IGSF10: variants seen among roughly 807,000 people sequenced by gnomAD.
The protein encoded by IGSF10 is immunoglobulin superfamily member 10.
A neutral mutation model predicts 128.2 loss-of-function variants in IGSF10; 126 were observed. That is an observed-to-expected ratio of 0.98 (90% CI 0.85 to 1.14). The LOEUF is 1.14. IGSF10 is among the 50% of genes most tolerant of loss of function. The probability of loss-of-function intolerance (pLI) is 0.00; values close to 1 mark genes in which losing one functional copy is unlikely to be tolerated. For synonymous variants in IGSF10, 1,185 were observed against 1,146.2 expected, an observed-to-expected ratio of 1.03 and a Z score of -0.68; for missense variants, 3,295 against 3,149.8, an observed-to-expected ratio of 1.05 and a Z score of -1.10.
intron 4 of IGSF10, 107 bp from the exon 5 acceptor site, chr3:151,453,881 T>C: frequency 1.5e-6 from 1 of 650,732 alleles, no homozygotes; most frequent in Non-Finnish European, 2.6e-6. Context: ...CAGTGCAATT[T>C]ATATACCTTC....
the IGSF10 span, among the ~76,000 whole-genome samples, chr3:151,510,419 A>G: frequency 6.6e-6 from 1 of 152,214 alleles, no homozygotes; most frequent in Non-Finnish European, 1.5e-5. Context: ...GACTGGTAGA[A>G]GGAAAACTAA....
At chr3:151,496,373 A>G in the IGSF10 span, among the ~76,000 whole-genome samples, 153 of 119,068 alleles carry the variant, frequency 1.3e-3, 1 homozygote, top group South Asian at 1.8e-3. Flanking sequence ...AACAGTCCGC[A>G]GTGTGTGATG....
the IGSF10 span, among the ~76,000 whole-genome samples, chr3:151,536,179 G>GA: frequency 1.6e-4 from 25 of 152,166 alleles, no homozygotes; most frequent in Non-Finnish European, 2.5e-4. Flanking sequence ...AGGAAGCAGG[G>GA]AAAAAATCTC....
the IGSF10 span, among the ~76,000 whole-genome samples, chr3:151,509,345 C>A: frequency 2.0e-5 from 3 of 152,132 alleles, no homozygotes; most frequent in Admixed American, 2.0e-4. Context: ...CTATGATAAC[C>A]CATCAGTTAT....
the IGSF10 span, among the ~76,000 whole-genome samples, chr3:151,467,657 G>A: frequency 6.6e-6 from 1 of 152,036 alleles, no homozygotes; most frequent in East Asian, 1.9e-4. Context: ...GGCCGAGGTG[G>A]GTGGATCACG....
At chr3:151,493,357 A>G in the IGSF10 span, among the ~76,000 whole-genome samples, 1 of 152,210 alleles carries the variant, frequency 6.6e-6, no homozygotes, top group Non-Finnish European at 1.5e-5. Context: ...TTTACTATCT[A>G]TAGTCATGTG....
chr3:151,538,760 G>A, the IGSF10 span, among the ~76,000 whole-genome samples: 5 of 152,142 alleles, frequency 3.3e-5, no homozygotes, highest in Non-Finnish European at 7.4e-5. Context: ...GCATGTAGTA[G>A]TCACAGAACA....
At chr3:151,508,294 G>A in the IGSF10 span, among the ~76,000 whole-genome samples, 2 of 152,076 alleles carry the variant, frequency 1.3e-5, no homozygotes, top group Admixed American at 6.6e-5. Flanking sequence ...AAAGGTTTAT[G>A]GAAAGTTTTT....
At chr3:151,466,838 T>C in the IGSF10 span, among the ~76,000 whole-genome samples, 1 of 152,118 alleles carries the variant, frequency 6.6e-6, no homozygotes, top group African/African-American at 2.4e-5. Flanking sequence ...CTCGGCCTCC[T>C]AAAGGGCTAG....
At chr3:151,450,242 G>A (rs1354150447) in intron 5 of IGSF10, among the ~76,000 whole-genome samples, 1 of 152,220 alleles carries the variant, frequency 6.6e-6, no homozygotes, top group Non-Finnish European at 1.5e-5. Context: ...GGAATACTTG[G>A]TAAGAGGTAT....
chr3:151,465,737 C>T (rs1030152575), upstream of IGSF10, among the ~76,000 whole-genome samples: 2 of 147,796 alleles, frequency 1.4e-5, no homozygotes. Context: ...CCAGAGGATA[C>T]CAATGGTGCT....
In IGSF10 at chr3:151,442,964, AC is replaced by A; in HGVS notation, c.5963+19del. On this transcript the variant is annotated intron_variant, in intron 7 of 7. Coordinates refer to ENST00000282466, the MANE Select transcript of IGSF10 (RefSeq NM_178822.5). ...TAAATACATAAAGCAGATAATTCCA[AC>A]CCAAAGGTATAGACTTACCTATGCT... 6.3e-7 allele frequency: 1 copy of A among 1,593,222 alleles called. No individual in the cohort carries two copies. The highest frequency in any genetic ancestry group is 8.6e-7 in the Non-Finnish European group (1 of 1,168,934).
At chr3:151,612,361 G>T in the IGSF10 span, among the ~76,000 whole-genome samples, 1 of 152,180 alleles carries the variant, frequency 6.6e-6, no homozygotes, top group Admixed American at 6.5e-5. Flanking sequence ...CATAAAGGAC[G>T]TCTCATTGTG....
the IGSF10 span, among the ~76,000 whole-genome samples, chr3:151,496,324 A>G: frequency 6.7e-6 from 1 of 148,578 alleles, no homozygotes; most frequent in Non-Finnish European, 1.5e-5. Flanking sequence ...CATTAGGTTT[A>G]TCTCCTAATG....
chr3:151,449,596 T>TTAATAAAA (rs1721414531), intron 5 of IGSF10, among the ~76,000 whole-genome samples: 1 of 152,242 alleles, frequency 6.6e-6, no homozygotes. Flanking sequence ...CAAAATGATA[T>TTAATAAAA]GCTCATGTTT....
the IGSF10 span, among the ~76,000 whole-genome samples, chr3:151,468,603 G>A: frequency 2.0e-4 from 30 of 152,290 alleles, no homozygotes; most frequent in East Asian, 3.9e-3. Context: ...TGGAGAAACA[G>A]GTTAAAATAA....
At chr3:151,537,225 T>C in the IGSF10 span, among the ~76,000 whole-genome samples, 6 of 152,196 alleles carry the variant, frequency 3.9e-5, no homozygotes, top group African/African-American at 1.4e-4. Flanking sequence ...AGAGCAGGAG[T>C]GTAGGATTTA....
rs1281037780 is a variant in IGSF10 at position 151,438,508 on chromosome 3, G to A, written c.6053C>T (p.Ala2018Val). The stretch of plus-strand genomic sequence containing the variant: ...CAGATCATCCCCCATTTTGTTTCTT[G>A]CCACACACAAGTAGACACCACTGTC... The part of the protein sequence containing the change: ...EKDSGVYLCV[A>V]RNKMGDDLIL... The change falls in exon 8 of 8, where the codon GCA (alanine) becomes GTA (valine). Residue 2018 changes from alanine to valine, a missense_variant. By Grantham distance (64) the Ala-to-Val change is moderately conservative. Transcript: ENST00000282466. 2 of 1,613,834 alleles carry A rather than the reference G, an allele frequency of 1.2e-6. No individual in the cohort carries two copies. The highest frequency in any genetic ancestry group is 1.3e-5 in the African/African-American group (1 of 74,876).
the IGSF10 span, among the ~76,000 whole-genome samples, chr3:151,480,289 T>A: frequency 6.6e-6 from 1 of 152,042 alleles, no homozygotes; most frequent in African/African-American, 2.4e-5. Flanking sequence ...GAAACACCTT[T>A]CCCTCACTAC....
Sources: allele counts gnomAD v4.1 joint callset (sites outside exome capture counted in the v4.1 genomes callset), GRCh38; gene constraint gnomAD v4.1.1; transcripts MANE v1.5; gene names NCBI Gene and HGNC (gene_info 2026-07-23, HGNC 2026-07-21).